OPCML: variants seen among roughly 807,000 people sequenced by gnomAD.
OPCML encodes the protein opioid-binding protein/cell adhesion molecule.
A neutral mutation model predicts 37.8 loss-of-function variants in OPCML; 13 were observed. The observed-to-expected ratio is 0.34, with a 90% CI of 0.22 to 0.55. The LOEUF (loss-of-function observed/expected upper bound fraction) is 0.55, where lower values mean the gene tolerates loss of function less well. OPCML is among the 20% of genes least tolerant of loss of function. The probability of loss-of-function intolerance (pLI) is 0.91; values close to 1 mark genes in which losing one functional copy is unlikely to be tolerated. For synonymous variants in OPCML, 176 were observed against 168.8 expected (o/e 1.04, Z -0.33); for missense variants, 341 against 435.6 (o/e 0.78, Z 1.93).
chr11:132,971,690 G>C (rs994494864), intron 1 of OPCML, among the ~76,000 whole-genome samples: 2 of 152,124 alleles, frequency 1.3e-5, no homozygotes, highest in East Asian at 3.9e-4. Context: ...AAAATTCCAG[G>C]GAGGCTCTGT....
chr11:133,006,090 A>G (rs1189798065), intron 1 of OPCML: 1 of 985,286 alleles, frequency 1.0e-6, no homozygotes, highest in Non-Finnish European at 1.2e-6. Flanking sequence ...CAGTGAGACC[A>G]GGGTTTCTGG....
intron 3 of OPCML, among the ~76,000 whole-genome samples, chr11:132,610,081 G>A (rs1938549266): frequency 6.6e-6 from 1 of 152,166 alleles, no homozygotes; most frequent in South Asian, 2.1e-4. Context: ...TCAGCTCTGT[G>A]TAAATCAAGC....
intron 1 of OPCML, among the ~76,000 whole-genome samples, chr11:133,080,258 C>G (rs1307670094): frequency 3.9e-5 from 6 of 152,126 alleles, no homozygotes. Flanking sequence ...CCCTCATCAC[C>G]CATGCGGTCT....
At chr11:132,932,509 C>T (rs1358702119) in intron 2 of OPCML, among the ~76,000 whole-genome samples, 1 of 151,888 alleles carries the variant, frequency 6.6e-6, no homozygotes, top group East Asian at 1.9e-4. Context: ...TCCTCCATCC[C>T]CCTTTCCCAT....
chr11:132,866,903 A>G (rs1942585272), intron 2 of OPCML, among the ~76,000 whole-genome samples: 1 of 152,180 alleles, frequency 6.6e-6, no homozygotes, highest in African/African-American at 2.4e-5. Context: ...GTATAATGTT[A>G]TTGCTCATTT....
chr11:132,832,248 G>A (rs1274262788), intron 2 of OPCML, among the ~76,000 whole-genome samples: 53 of 143,022 alleles, frequency 3.7e-4, no homozygotes, highest in Admixed American at 2.8e-4. Flanking sequence ...TTATTTTAAT[G>A]AAAAAAAAAA....
At chr11:132,694,262 G>T (rs1056958850) in intron 2 of OPCML, among the ~76,000 whole-genome samples, 10 of 125,846 alleles carry the variant, frequency 7.9e-5, no homozygotes, top group Non-Finnish European at 1.6e-4. Flanking sequence ...GCAGTGGCGC[G>T]ATCTTGGCTC....
chr11:133,158,034 A>G (rs970037541), intron 1 of OPCML, among the ~76,000 whole-genome samples: 1 of 152,210 alleles, frequency 6.6e-6, no homozygotes, highest in African/African-American at 2.4e-5. Flanking sequence ...AAGGAGAAAC[A>G]AACATTTCAG....
chr11:133,186,985 G>T lies in OPCML; in HGVS notation c.62-243975C>A, dbSNP rs572241789. Among the ~76,000 whole-genome samples, 223 of 152,286 alleles carry T rather than the reference G, an allele frequency of 1.5e-3. 2 individuals are homozygous for T. The highest frequency in any genetic ancestry group is 5.1e-3 in the African/African-American group (213 of 41,550). On this transcript the variant is annotated intron_variant, in intron 1 of 7. Transcript: ENST00000524381. ...AGAGGCATTCGTCGTGGTGGTGGTG[G>T]TGGTGTGTGTAGAGGACAAGGTCTT...
At chr11:132,985,668 A>G (rs1290082881) in intron 1 of OPCML, among the ~76,000 whole-genome samples, 2 of 152,252 alleles carry the variant, frequency 1.3e-5, no homozygotes, top group Admixed American at 1.3e-4. Flanking sequence ...TAGCCTGAAT[A>G]TAGGAGTGAA....
At chr11:133,526,684 C>A (rs1480777311) in intron 1 of OPCML, among the ~76,000 whole-genome samples, 3 of 152,190 alleles carry the variant, frequency 2.0e-5, no homozygotes, top group Admixed American at 2.0e-4. Flanking sequence ...CATCCATGCC[C>A]TACTGTGTTA....
At position 132,988,188 on chromosome 11, in the gene OPCML, T is replaced by A. The variant is rs145922185; in HGVS notation, c.62-45178A>T. 2.1e-3 allele frequency among the ~76,000 whole-genome samples: 318 copies of A among 152,312 alleles called. 3 individuals carry two copies. Among genetic ancestry groups the A allele is most frequent in the East Asian group, 3.3e-3 (17 of 5,184 alleles). On this transcript the variant is annotated intron_variant, in intron 1 of 7. Transcript: ENST00000524381. ...TGGATGAGGGTGGTCAGTATTCCAG[T>A]AAGCAGCCAGGCTGAGAGTTGACTC...
chr11:133,432,930 TA>T (rs1487261125), intron 1 of OPCML, among the ~76,000 whole-genome samples: 1 of 152,106 alleles, frequency 6.6e-6, no homozygotes, highest in Non-Finnish European at 1.5e-5. Context: ...GGGGATACTA[TA>T]AAAAAATCAT....
At chr11:133,342,038 T>A (rs1319157429) in intron 1 of OPCML, among the ~76,000 whole-genome samples, 1 of 152,134 alleles carries the variant, frequency 6.6e-6, no homozygotes, top group East Asian at 1.9e-4. Flanking sequence ...CGACAGAAGT[T>A]GTCTGAACTC....
chr11:132,959,257 C>G (rs1370193798), intron 1 of OPCML, among the ~76,000 whole-genome samples: 1 of 152,198 alleles, frequency 6.6e-6, no homozygotes, highest in Non-Finnish European at 1.5e-5. Context: ...ACTAGAACTA[C>G]AAGTGGAGAC....
chr11:132,774,825 A>G (rs1946760983), intron 2 of OPCML, among the ~76,000 whole-genome samples: 1 of 152,188 alleles, frequency 6.6e-6, no homozygotes, highest in Admixed American at 6.5e-5. Context: ...GTAGGTGATT[A>G]ATACATTCTT....
At chr11:133,233,348 A>G (rs1222510469) in intron 1 of OPCML, among the ~76,000 whole-genome samples, 5 of 152,128 alleles carry the variant, frequency 3.3e-5, no homozygotes, top group African/African-American at 1.2e-4. Context: ...AGATGTGGGA[A>G]GGATTCTCTG....
intron 4 of OPCML, among the ~76,000 whole-genome samples, chr11:132,475,969 T>G (rs535463461): frequency 2.2e-4 from 33 of 152,300 alleles, no homozygotes; most frequent in South Asian, 4.1e-4. Context: ...TTCGCCCCAG[T>G]TTTCTCATCT....
At chr11:133,358,017 C>T (rs1944330041) in intron 1 of OPCML, among the ~76,000 whole-genome samples, 2 of 152,176 alleles carry the variant, frequency 1.3e-5, no homozygotes, top group South Asian at 4.1e-4. Context: ...TGCGAGGGCC[C>T]CTCCAGTCTT....
Sources: allele counts gnomAD v4.1 joint callset (sites outside exome capture counted in the v4.1 genomes callset), GRCh38; gene constraint gnomAD v4.1.1; transcripts MANE v1.5; gene names NCBI Gene and HGNC (gene_info 2026-07-23, HGNC 2026-07-21).